Variants in ARHGAP26 observed in about 807,000 individuals in gnomAD.
ARHGAP26 encodes the protein rho GTPase-activating protein 26.
Under a neutral mutation model 104.8 loss-of-function variants are expected in ARHGAP26, and 38 were observed. The observed-to-expected ratio is 0.36, with a 90% confidence interval of 0.28 to 0.48. ARHGAP26 has a LOEUF of 0.48. Ranked by LOEUF, ARHGAP26 falls within the 20% of genes least tolerant of loss-of-function variation. The probability of loss-of-function intolerance (pLI) is 0.99; values close to 1 mark genes in which losing one functional copy is unlikely to be tolerated. For synonymous variants in ARHGAP26, 341 were observed against 340.0 expected, an observed-to-expected ratio of 1.00 and a Z score of -0.03; for missense variants, 704 against 947.9, an observed-to-expected ratio of 0.74 and a Z score of 3.38.
intron 20 of ARHGAP26, among the ~76,000 whole-genome samples, chr5:143,206,335 C>T (rs2151345418): frequency 6.6e-6 from 1 of 152,314 alleles, no homozygotes; most frequent in Middle Eastern, 3.4e-3. Flanking sequence ...TGTGAAGGTG[C>T]TTGTGTCATT....
rs555409382 is a variant in ARHGAP26, at chr5:142,812,773, A to G, written c.154+41858A>G. Among the ~76,000 whole-genome samples the G allele has an allele frequency of 9.2e-5, 14 of 152,302 alleles. No individual in the cohort carries two copies. In the East Asian group the frequency reaches 2.7e-3, roughly 29 times the overall value. ...TGTTGGTCTTAAACTCCTGGGCTCA[A>G]GCAGTCCTCCTGCCTCAGCCTCCTG... is the stretch of plus-strand genomic sequence containing the variant. On this transcript the variant is annotated intron_variant, in intron 1 of 22. Transcript: ENST00000645722.
At chr5:142,792,321 A>G (rs1230617077) in intron 1 of ARHGAP26, among the ~76,000 whole-genome samples, 1 of 152,148 alleles carries the variant, frequency 6.6e-6, no homozygotes, top group Non-Finnish European at 1.5e-5. Flanking sequence ...CCTCCCATAC[A>G]CCTTCTTATT....
At chr5:143,086,289 A>T (rs1326540884) in intron 17 of ARHGAP26, among the ~76,000 whole-genome samples, 1 of 152,156 alleles carries the variant, frequency 6.6e-6, no homozygotes, top group African/African-American at 2.4e-5. Flanking sequence ...ACACAAACCC[A>T]TTGTTGATCA....
chr5:143,154,161 A>T (rs530797032), intron 20 of ARHGAP26, among the ~76,000 whole-genome samples: 4 of 25,978 alleles, frequency 1.5e-4, no homozygotes, highest in Admixed American at 2.9e-4. Context: ...TAAAAATATT[A>T]AAAAAAAAAA....
At chr5:142,830,719 A>G (rs558659532) in intron 1 of ARHGAP26, among the ~76,000 whole-genome samples, 112 of 152,326 alleles carry the variant, frequency 7.4e-4, no homozygotes, top group Non-Finnish European at 1.1e-3. Context: ...ACAGACAGAC[A>G]GATACACACA....
At chr5:143,111,666 A>C (rs1013102122) in intron 17 of ARHGAP26, among the ~76,000 whole-genome samples, 1 of 152,226 alleles carries the variant, frequency 6.6e-6, no homozygotes, top group Non-Finnish European at 1.5e-5. Context: ...ACACTGTCTT[A>C]GAGAGCTATT....
At chr5:143,108,602 A>G (rs920822980) in intron 17 of ARHGAP26, among the ~76,000 whole-genome samples, 1 of 152,100 alleles carries the variant, frequency 6.6e-6, no homozygotes, top group Non-Finnish European at 1.5e-5. Context: ...TATGGCAGGG[A>G]ATGTAATTTT....
intron 17 of ARHGAP26, among the ~76,000 whole-genome samples, chr5:143,112,378 A>G (rs978413174): frequency 1.3e-5 from 2 of 152,168 alleles, no homozygotes; most frequent in Admixed American, 6.5e-5. Context: ...GAGTACAGGG[A>G]CTGGGTAGAG....
chr5:142,774,767 C>G (rs1261835583), intron 1 of ARHGAP26, among the ~76,000 whole-genome samples: 1 of 152,142 alleles, frequency 6.6e-6, no homozygotes, highest in Non-Finnish European at 1.5e-5. Flanking sequence ...CCCGGGCAAC[C>G]ACTAATCTTT....
At chr5:142,982,953 A>G (rs933013427) in intron 11 of ARHGAP26, among the ~76,000 whole-genome samples, 1 of 152,118 alleles carries the variant, frequency 6.6e-6, no homozygotes, top group Non-Finnish European at 1.5e-5. Context: ...TCCACCTCTG[A>G]TAGCACATGC....
At chr5:142,879,333 CT>C in intron 3 of ARHGAP26, 40 bp from the exon 4 acceptor site, 1 of 1,577,734 alleles carries the variant, frequency 6.3e-7, no homozygotes, top group Non-Finnish European at 8.7e-7. Flanking sequence ...ACTGATACTG[CT>C]TTTGTGTCTT....
At chr5:143,188,919 A>T (rs73796981) in intron 20 of ARHGAP26, among the ~76,000 whole-genome samples, 3,633 of 152,314 alleles carry the variant, frequency 0.024, 146 homozygotes, top group African/African-American at 0.081. Flanking sequence ...ACAGAAGAAG[A>T]GAAGTCCCTG....
At chr5:143,045,446 T>A (rs960722248) in intron 14 of ARHGAP26, among the ~76,000 whole-genome samples, 5 of 152,200 alleles carry the variant, frequency 3.3e-5, no homozygotes, top group Non-Finnish European at 5.9e-5. Context: ...AAGGGGGAGC[T>A]TCATCTTCTC....
chr5:142,811,599 C>T (rs1764084551), intron 1 of ARHGAP26, among the ~76,000 whole-genome samples: 1 of 152,154 alleles, frequency 6.6e-6, no homozygotes, highest in Non-Finnish European at 1.5e-5. Flanking sequence ...ATCTGAGGGA[C>T]AGAATCATGC....
chr5:142,950,348 T>A (rs1185644588), intron 11 of ARHGAP26, among the ~76,000 whole-genome samples: 2 of 152,190 alleles, frequency 1.3e-5, no homozygotes, highest in African/African-American at 4.8e-5. Context: ...TTAGTGTATA[T>A]ACTTTCCTTT....
Position 142,982,808 on chromosome 5 carries a change from C to T in ARHGAP26, c.1108-31272C>T, listed in dbSNP as rs147189267. 4.3e-3 allele frequency among the ~76,000 whole-genome samples: 657 copies of T among 152,182 alleles called. 4 individuals are homozygous for T. The highest frequency in any genetic ancestry group is 0.02 in the Middle Eastern group (6 of 294). ...TTTCTGGAGTGGGAGGAAGATGGAC[C>T]AGAAATTGATGTGAGGCCCTGGGAT... On this transcript the variant is annotated intron_variant, in intron 11 of 22. Coordinates refer to ENST00000645722, the MANE Select transcript of ARHGAP26 (RefSeq NM_001135608.3).
intron 20 of ARHGAP26, among the ~76,000 whole-genome samples, chr5:143,169,248 A>G (rs1802445917): frequency 6.6e-6 from 1 of 152,222 alleles, no homozygotes; most frequent in Non-Finnish European, 1.5e-5. Flanking sequence ...GCTTGAGCAG[A>G]TTTACCCATC....
chr5:143,014,708 A>G (rs531313445), intron 12 of ARHGAP26, among the ~76,000 whole-genome samples: 25 of 152,304 alleles, frequency 1.6e-4, no homozygotes, highest in Admixed American at 1.4e-3. Flanking sequence ...ACTCTGGTTA[A>G]TCATGATTTC....
intron 17 of ARHGAP26, among the ~76,000 whole-genome samples, chr5:143,080,419 GT>G (rs1415747195): frequency 1.6e-4 from 24 of 152,308 alleles, no homozygotes; most frequent in Admixed American, 1.6e-3. Context: ...GTAAGCCCAA[GT>G]ATTGAGGATG....
Sources: allele counts gnomAD v4.1 joint callset (sites outside exome capture counted in the v4.1 genomes callset), GRCh38; gene constraint gnomAD v4.1.1; transcripts MANE v1.5; gene names NCBI Gene and HGNC (gene_info 2026-07-23, HGNC 2026-07-21).